The following CFAP54 variants were observed in gnomAD, a reference collection of about 807,000 sequenced individuals.
CFAP54 encodes the protein cilia and flagella associated protein 54, also known as cilia- and flagella-associated protein 54.
Under a neutral mutation model 370.4 loss-of-function variants are expected in CFAP54, and 290 were observed. That is an observed-to-expected ratio of 0.78 (90% CI 0.71 to 0.86). CFAP54 has a LOEUF of 0.86. Ranked by LOEUF, CFAP54 falls within the 40% of genes least tolerant of loss-of-function variation. CFAP54 has a pLI of 0.00. For synonymous variants in CFAP54, 1,206 were observed against 1,236.5 expected (o/e 0.98, Z 0.52); for missense variants, 3,399 against 3,528.7 (o/e 0.96, Z 0.93).
intron 64 of CFAP54, among the ~76,000 whole-genome samples, chr12:96,814,034 T>G (rs1381876887): frequency 6.6e-6 from 1 of 152,192 alleles, no homozygotes; most frequent in East Asian, 1.9e-4. Flanking sequence ...GGACTCAGCC[T>G]GCTTTGCCCG....
At chr12:96,514,151 C>T (rs1955204995) in intron 5 of CFAP54, among the ~76,000 whole-genome samples, 1 of 152,208 alleles carries the variant, frequency 6.6e-6, no homozygotes, top group South Asian at 2.1e-4. Context: ...TTGCTGGCAT[C>T]TGAAACATGA....
chr12:96,762,144 G>A (rs1016325553), intron 58 of CFAP54, among the ~76,000 whole-genome samples: 2 of 152,082 alleles, frequency 1.3e-5, no homozygotes, highest in African/African-American at 4.8e-5. Flanking sequence ...TTTAGTGTAT[G>A]AGTCTTATAC....
intron 22 of CFAP54, among the ~76,000 whole-genome samples, chr12:96,586,156 T>C (rs1335843181): frequency 1.3e-5 from 2 of 152,164 alleles, no homozygotes; most frequent in Non-Finnish European, 2.9e-5. Flanking sequence ...AGGAATGACT[T>C]GGAGTACTGG....
intron 13 of CFAP54, chr12:96,538,738 G>C (rs1230483580): frequency 1.2e-5 from 6 of 497,058 alleles, no homozygotes; most frequent in South Asian, 7.6e-5. Flanking sequence ...GTTGTGAGGA[G>C]CGAAGAGGTG....
Position 96,668,534 on chromosome 12 carries a change from G to T in CFAP54, c.5563+4602G>T, listed in dbSNP as rs530271461. 1.1e-4 allele frequency among the ~76,000 whole-genome samples: 17 copies of T among 152,252 alleles called. No homozygotes were observed. In the East Asian group the frequency reaches 3.1e-3, roughly 28 times the overall value. On this transcript the variant is annotated intron_variant, in intron 39 of 67. Coordinates refer to ENST00000524981, the MANE Select transcript of CFAP54 (RefSeq NM_001306084.2). ...TCATGAGACTTATTCATTATCATGAGAACAGCAGGGGAAAAACCAACCCCC... is the reference window on the plus strand; with the variant it reads ...TCATGAGACTTATTCATTATCATGATAACAGCAGGGGAAAAACCAACCCCC...
chr12:96,619,208 T>C (rs1372576197), intron 26 of CFAP54, among the ~76,000 whole-genome samples: 2 of 152,158 alleles, frequency 1.3e-5, no homozygotes, highest in Non-Finnish European at 2.9e-5. Context: ...TATATTAATG[T>C]CACGATTTTG....
chr12:96,818,228 T>C (rs1240674040), intron 65 of CFAP54, among the ~76,000 whole-genome samples: 1 of 152,242 alleles, frequency 6.6e-6, no homozygotes, highest in Non-Finnish European at 1.5e-5. Flanking sequence ...TTTTTCACTC[T>C]AAATCTATTA....
In CFAP54 at chr12:96,720,576, C is replaced by A. The variant is rs1592724498; in HGVS notation, c.6965+11C>A. 2.0e-6 allele frequency: 3 copies of A among 1,488,344 alleles called. No homozygotes were observed. The highest frequency in any genetic ancestry group is 9.0e-7 in the Non-Finnish European group (1 of 1,112,604). 92.2% of individuals were successfully genotyped at this position (1,488,344 alleles called of 1,614,324 possible). On this transcript the variant is annotated intron_variant, in intron 50 of 67. Coordinates refer to ENST00000524981, the MANE Select transcript of CFAP54 (RefSeq NM_001306084.2). The stretch of plus-strand genomic sequence containing the variant: ...CCGGGCGGCATACAGGTGCGTCTCT[C>A]CATGCACAGGGGAGGGATACCTTTG...
Position 96,651,380 on chromosome 12 carries a change from G to C in CFAP54, c.4873-208G>C, listed in dbSNP as rs78205000. On this transcript the variant is annotated intron_variant, in intron 35 of 67. Transcript: ENST00000524981. ...CATCTGTAAATTGGGTAAAATACTA[G>C]TACCTAGTGCACACTTACTTCATGG... Among the ~76,000 whole-genome samples, 1,174 of 152,244 alleles carry C rather than the reference G, an allele frequency of 7.7e-3. 12 individuals carry two copies. Among genetic ancestry groups the C allele is most frequent in the Middle Eastern group, 0.02 (6 of 294 alleles).
intron 66 of CFAP54, among the ~76,000 whole-genome samples, chr12:96,831,124 T>C (rs959823272): frequency 6.6e-6 from 1 of 152,216 alleles, no homozygotes; most frequent in East Asian, 1.9e-4. Context: ...AGCAAAATGG[T>C]ATTTATTCAT....
chr12:96,519,007 G>A lies in CFAP54; in HGVS notation c.878G>A (p.Arg293His), dbSNP rs1025791088. 144 of 1,535,802 alleles carry A rather than the reference G, an allele frequency of 9.4e-5. No individual in the cohort carries two copies. Among genetic ancestry groups the A allele is most frequent in the African/African-American group, 2.2e-4 (16 of 72,996 alleles). ...PLLSLRYLTW[R>H]ATLYTAVCQC... The stretch of plus-strand genomic sequence containing the variant: ...CTGTCACTCAGGTACTTGACATGGC[G>A]CGCTACTCTCTACACAGCTGTTTGC... The change falls in exon 6 of 68, where the codon CGC becomes CAC. Residue 293 changes from arginine to histidine, a missense_variant. This residue lies in a region of CFAP54 where 559 missense variants were observed against 576.7 expected (regional missense o/e 0.97). Transcript: ENST00000524981.
At chr12:96,825,468 T>A (rs1351158967) in intron 65 of CFAP54, among the ~76,000 whole-genome samples, 1 of 117,054 alleles carries the variant, frequency 8.5e-6, no homozygotes, top group Non-Finnish European at 1.6e-5. Flanking sequence ...ATATAATATA[T>A]TATATATATT....
At chr12:96,554,923 T>C in intron 17 of CFAP54, 121 bp downstream of exon 17, 1 of 909,722 alleles carries the variant, frequency 1.1e-6, no homozygotes, top group Non-Finnish European at 1.5e-6. Flanking sequence ...AATTTCATTT[T>C]TTTCTACTTC....
chr12:96,579,576 G>A (rs1299650775), intron 20 of CFAP54, among the ~76,000 whole-genome samples: 5 of 151,988 alleles, frequency 3.3e-5, no homozygotes, highest in African/African-American at 1.2e-4. Flanking sequence ...TTTTTTAGAG[G>A]CAATTGTATT....
chr12:96,660,366 C>A (rs1299096907), intron 38 of CFAP54, among the ~76,000 whole-genome samples: 4 of 152,160 alleles, frequency 2.6e-5, no homozygotes, highest in Admixed American at 2.6e-4. Context: ...AGACTATGTT[C>A]TTGGACCCCT....
intron 50 of CFAP54, among the ~76,000 whole-genome samples, chr12:96,738,651 G>T (rs912722001): frequency 3.7e-5 from 5 of 136,824 alleles, no homozygotes. Flanking sequence ...TCACTCTGTC[G>T]CCGGGCTGGA....
At chr12:96,817,374 T>C (rs764223352) in intron 64 of CFAP54, among the ~76,000 whole-genome samples, 3 of 152,156 alleles carry the variant, frequency 2.0e-5, no homozygotes, top group Non-Finnish European at 4.4e-5. Flanking sequence ...AATCGTTAAA[T>C]AACTGAGGGC....
intron 57 of CFAP54, 50 bp from the exon 58 acceptor site, chr12:96,757,445 G>A (rs950536108): frequency 9.4e-7 from 1 of 1,061,946 alleles, no homozygotes; most frequent in Non-Finnish European, 1.4e-6. Flanking sequence ...TGATACCAAT[G>A]ATTATGCATG....
At position 96,720,446 on chromosome 12, in the gene CFAP54, T is replaced by C; in HGVS notation, c.6846T>C (p.Leu2282=). 1 of 1,591,038 alleles carries C rather than the reference T, an allele frequency of 6.3e-7. No homozygotes were observed. The highest frequency in any genetic ancestry group is 8.6e-7 in the Non-Finnish European group (1 of 1,167,948). Residue 2282 remains leucine, a synonymous_variant, in exon 50 of 68, where the codon CTT becomes CTC. Transcript: ENST00000524981. ...AAGCTGAGGACAGGCTAAACTTCCTTCTGTCCGAGGTGGAACAGAAGACCC... is the reference window on the plus strand; with the variant it reads ...AAGCTGAGGACAGGCTAAACTTCCTCCTGTCCGAGGTGGAACAGAAGACCC... ...LMEAEDRLNF[L]LSEVEQKTLS... is the part of the protein sequence containing the mutation.
Sources: gnomAD v4.1 joint callset for allele counts (sites outside exome capture counted in the v4.1 genomes callset) on GRCh38, gnomAD v4.1.1 for gene constraint, gnomAD v4.1.1 regional missense constraint, MANE v1.5 for transcripts, NCBI Gene and HGNC (gene_info 2026-07-23, HGNC 2026-07-21) for gene names.